Variants in TGM5 observed in about 807,000 individuals in gnomAD.
TGM5 encodes protein-glutamine gamma-glutamyltransferase 5.
TGM5 carries 69 observed loss-of-function variants against 77.2 expected under a neutral mutation model. That is an observed-to-expected ratio of 0.89 (90% confidence interval 0.74 to 1.09). TGM5 has a LOEUF of 1.09. Among genes scored for constraint, TGM5 ranks in the 50% least tolerant of loss-of-function variants. The probability of loss-of-function intolerance (pLI) is 0.00; values close to 1 mark genes in which losing one functional copy is unlikely to be tolerated. For synonymous variants in TGM5, 346 were observed against 351.8 expected (o/e 0.98, Z 0.18); for missense variants, 842 against 896.5 (o/e 0.94, Z 0.78).
intron 4 of TGM5, 133 bp from the exon 5 acceptor site, chr15:43,253,767 A>G (rs1330892819): frequency 4.8e-6 from 6 of 1,256,556 alleles, no homozygotes; most frequent in African/African-American, 1.5e-5. Context: ...CAGAACAGCC[A>G]TGAATTCCCT....
At chr15:43,235,049 G>T in intron 10 of TGM5, 120 bp from the exon 11 acceptor site, 1 of 1,245,302 alleles carries the variant, frequency 8.0e-7, no homozygotes, top group Non-Finnish European at 1.1e-6. Flanking sequence ...TCCCAGGGAA[G>T]CAGGTGGCAG....
At chr15:43,255,596 A>T (rs1412565941) in intron 4 of TGM5, among the ~76,000 whole-genome samples, 1 of 152,066 alleles carries the variant, frequency 6.6e-6, no homozygotes, top group Non-Finnish European at 1.5e-5. Flanking sequence ...TTGGAGTTCT[A>T]TTTGGGCAGG....
At chr15:43,251,602 CCTT>C (rs1181323735) in intron 6 of TGM5, among the ~76,000 whole-genome samples, 15 of 152,192 alleles carry the variant, frequency 9.9e-5, no homozygotes, top group African/African-American at 1.4e-4. Flanking sequence ...CAATAAATAA[CCTT>C]CTGATCGCCA....
At chr15:43,234,397 C>G (rs2142350795) in intron 11 of TGM5, among the ~76,000 whole-genome samples, 1 of 152,314 alleles carries the variant, frequency 6.6e-6, no homozygotes, top group African/African-American at 2.4e-5. Flanking sequence ...CAAGGATACA[C>G]AGCCAAAAAA....
At chr15:43,241,584 G>A (rs975736170) in intron 6 of TGM5, among the ~76,000 whole-genome samples, 28 of 152,174 alleles carry the variant, frequency 1.8e-4, no homozygotes, top group Non-Finnish European at 1.9e-4. Context: ...TTGAAAGAAG[G>A]TAGAGTGTTG....
intron 1 of TGM5, among the ~76,000 whole-genome samples, chr15:43,263,112 A>G (rs542304192): frequency 6.6e-6 from 1 of 152,364 alleles, no homozygotes; most frequent in Admixed American, 6.5e-5. Context: ...TAAGAAAATA[A>G]TTCCATTTAT....
In TGM5 at chr15:43,240,967, T is replaced by C; in HGVS notation, c.886A>G (p.Thr296Ala). Residue 296 changes from threonine (T) to alanine (A), a missense_variant, in exon 7 of 13, where the codon ACC becomes GCC. Physicochemically the swap from Thr to Ala is moderately conservative, Grantham distance 58. Coordinates refer to ENST00000220420, the MANE Select transcript of TGM5 (RefSeq NM_201631.4). ...CTVMRCLGIP[T>A]RVITNFDSGH... ...GAGTCGAAGTTGGTGATCACACGGG[T>C]AGGGATCCCCAGACACCTCATCACT... The C allele has an allele frequency of 6.2e-7, 1 of 1,614,052 alleles. No homozygotes were observed. Among genetic ancestry groups the C allele is most frequent in the Non-Finnish European group, 8.5e-7 (1 of 1,180,016 alleles).
chr15:43,235,184 C>A (rs1210953967), intron 10 of TGM5, among the ~76,000 whole-genome samples: 4 of 149,766 alleles, frequency 2.7e-5, no homozygotes, highest in Non-Finnish European at 4.4e-5. Flanking sequence ...GCTTTTTCTG[C>A]AAAACCAGCT....
chr15:43,256,802 C>G, intron 3 of TGM5, 116 bp from the exon 4 acceptor site: 1 of 792,624 alleles, frequency 1.3e-6, no homozygotes, highest in Non-Finnish European at 2.2e-6. Context: ...CTGGCGACAC[C>G]AAGAGGGGCA....
chr15:43,236,764 C>G (rs1235357165), intron 9 of TGM5, among the ~76,000 whole-genome samples: 1 of 151,930 alleles, frequency 6.6e-6, no homozygotes, highest in African/African-American at 2.4e-5. Context: ...GTCTGGAGTT[C>G]GAGACCAGCC....
rs766416056 is a variant in TGM5 at position 43,241,068 on chromosome 15, C to T, written c.863-78G>A. ...ATATTCCTGGACTTTGGGGCCTGGA[C>T]CTGGGGAAATCTTCCATTTGCCATC... On this transcript the variant is annotated intron_variant, in intron 6 of 12. Transcript: ENST00000220420. 3.8e-6 allele frequency: 6 copies of T among 1,586,162 alleles called. No individual in the cohort carries two copies. In the African/African-American group the frequency reaches 8.1e-5, roughly 21 times the overall value.
intron 1 of TGM5, among the ~76,000 whole-genome samples, chr15:43,261,090 T>TTTTTTTTTTTTTTTTTTTTTTTG (rs2042786497): frequency 1.0e-5 from 1 of 97,118 alleles, no homozygotes; most frequent in African/African-American, 5.1e-5. Flanking sequence ...TTTTTTTTTT[T>TTTTTTTTTTTTTTTTTTTTTTTG]TTTTTTTTTT....
intron 6 of TGM5, among the ~76,000 whole-genome samples, chr15:43,251,557 G>A (rs935163465): frequency 2.0e-5 from 3 of 152,258 alleles, no homozygotes; most frequent in African/African-American, 2.4e-5. Flanking sequence ...TCCTGTGAGC[G>A]AAAACCTTGC....
intron 4 of TGM5, among the ~76,000 whole-genome samples, chr15:43,256,109 G>A (rs2042740451): frequency 6.6e-6 from 1 of 152,248 alleles, no homozygotes; most frequent in Admixed American, 6.5e-5. Flanking sequence ...CATCAGCCCT[G>A]CTTCTGGCTG....
chr15:43,243,731 G>A (rs2042654147), intron 6 of TGM5, among the ~76,000 whole-genome samples: 1 of 152,040 alleles, frequency 6.6e-6, no homozygotes, highest in African/African-American at 2.4e-5. Context: ...TTTGAATCTT[G>A]AGCCTGTCTA....
chr15:43,238,556 G>T (rs773806270), intron 9 of TGM5, among the ~76,000 whole-genome samples: 1 of 152,250 alleles, frequency 6.6e-6, no homozygotes, highest in Non-Finnish European at 1.5e-5. Flanking sequence ...GGGGGAAGCA[G>T]GGGTGAAGTA....
chr15:43,247,163 A>C (rs1435377461), intron 6 of TGM5, among the ~76,000 whole-genome samples: 1 of 151,526 alleles, frequency 6.6e-6, no homozygotes, highest in Non-Finnish European at 1.5e-5. Context: ...TGTCTCAAAA[A>C]AAAAAAAAAA....
intron 4 of TGM5, among the ~76,000 whole-genome samples, chr15:43,255,126 G>A (rs1228211184): frequency 6.6e-6 from 1 of 152,076 alleles, no homozygotes; most frequent in Non-Finnish European, 1.5e-5. Flanking sequence ...TTGAGCCCAG[G>A]AGTTTGAGAC....
chr15:43,233,427 G>A (rs1164538942), intron 12 of TGM5, 83 bp from the exon 13 acceptor site: 2 of 1,610,996 alleles, frequency 1.2e-6, no homozygotes, highest in African/African-American at 2.7e-5. Context: ...TTCCTGAGTG[G>A]GAGGGAGTGC....
Sources: allele counts gnomAD v4.1 joint callset (sites outside exome capture counted in the v4.1 genomes callset), GRCh38; gene constraint gnomAD v4.1.1; transcripts MANE v1.5; gene names NCBI Gene and HGNC (gene_info 2026-07-23, HGNC 2026-07-21).